Variants in HPSE2 observed in about 807,000 individuals in gnomAD.
HPSE2 encodes inactive heparanase-2.
HPSE2 carries 38 observed loss-of-function variants against 60.5 expected under a neutral mutation model. The ratio of observed to expected loss-of-function variants is 0.63; its 90% CI spans 0.48 to 0.82. The LOEUF (loss-of-function observed/expected upper bound fraction) is 0.82. Ranked by LOEUF, HPSE2 falls within the 40% of genes least tolerant of loss-of-function variation. The pLI is 0.00. For missense variants in HPSE2, 713 were observed against 740.4 expected (o/e 0.96, Z 0.43); for synonymous variants, 295 against 293.2 (o/e 1.01, Z -0.06).
At chr10:98,644,935 T>C (rs1946728836) in intron 6 of HPSE2, among the ~76,000 whole-genome samples, 1 of 152,164 alleles carries the variant, frequency 6.6e-6, no homozygotes, top group Admixed American at 6.5e-5. Context: ...CGGGAGGAGA[T>C]ACAGGCATGG....
chr10:98,488,519 G>A (rs1182573628), intron 10 of HPSE2, among the ~76,000 whole-genome samples: 2 of 152,200 alleles, frequency 1.3e-5, no homozygotes, highest in African/African-American at 4.8e-5. Flanking sequence ...GATCACGTGA[G>A]GAGGCTTCTA....
intron 2 of HPSE2, among the ~76,000 whole-genome samples, chr10:99,180,331 TGA>T (rs979547965): frequency 6.6e-6 from 1 of 152,060 alleles, no homozygotes; most frequent in African/African-American, 2.4e-5. Context: ...ACCTACAGCA[TGA>T]GAGAAAATTT....
At chr10:98,652,588 C>A (rs1946947662) in intron 6 of HPSE2, among the ~76,000 whole-genome samples, 1 of 152,240 alleles carries the variant, frequency 6.6e-6, no homozygotes, top group Non-Finnish European at 1.5e-5. Context: ...TCCAAATCCC[C>A]TGAGTTCTGT....
At chr10:98,500,296 T>A (rs1941988146) in intron 9 of HPSE2, among the ~76,000 whole-genome samples, 1 of 152,040 alleles carries the variant, frequency 6.6e-6, no homozygotes, top group African/African-American at 2.4e-5. Context: ...CTCAATAAAC[T>A]TAAGAAAACT....
intron 11 of HPSE2, among the ~76,000 whole-genome samples, chr10:98,475,610 G>A (rs1406748883): frequency 6.7e-6 from 1 of 149,590 alleles, no homozygotes; most frequent in Non-Finnish European, 1.5e-5. Flanking sequence ...TTAGGTGTGA[G>A]GGAGTTGAAG....
chr10:99,267,093 C>T, the HPSE2 span, among the ~76,000 whole-genome samples: 2 of 152,040 alleles, frequency 1.3e-5, no homozygotes, highest in Non-Finnish European at 2.9e-5. Context: ...AAACAAGGTT[C>T]TTTAACACCC....
chr10:99,199,562 A>AC (rs1478954291), intron 2 of HPSE2, among the ~76,000 whole-genome samples: 2 of 151,908 alleles, frequency 1.3e-5, no homozygotes, highest in Admixed American at 1.3e-4. Flanking sequence ...TATTTATGGC[A>AC]CCCTTGTCAA....
Position 98,941,547 on chromosome 10 carries a change from GA to G in HPSE2, c.611-197492del, listed in dbSNP as rs1217520500. Among the ~76,000 whole-genome samples the G allele has an allele frequency of 3.5e-5, 5 of 142,044 alleles. 1 individual carries two copies. The highest frequency in any genetic ancestry group is 1.5e-4 in the African/African-American group (5 of 34,286). The allele number at this position is 142,044 out of a possible 152,430, so 93.2% of individuals were successfully genotyped here. Reference sequence around the variant, plus strand: ...GGGTTGTGAAGGACCTCTTCAAGGAGAACTACAAACCACTGCTCAATGAAAT... The same window carrying G: ...GGGTTGTGAAGGACCTCTTCAAGGAGACTACAAACCACTGCTCAATGAAAT... On this transcript the variant is annotated intron_variant, in intron 3 of 11. Coordinates refer to ENST00000370552, the MANE Select transcript of HPSE2 (RefSeq NM_021828.5).
the HPSE2 span, among the ~76,000 whole-genome samples, chr10:99,258,721 T>C: frequency 6.6e-6 from 1 of 152,190 alleles, no homozygotes; most frequent in Non-Finnish European, 1.5e-5. Context: ...TGGACCCACA[T>C]ACATGGACAA....
At chr10:98,566,670 G>C (rs891360089) in intron 9 of HPSE2, among the ~76,000 whole-genome samples, 3 of 152,190 alleles carry the variant, frequency 2.0e-5, no homozygotes, top group Admixed American at 2.0e-4. Context: ...CATGTGCCCA[G>C]GGAAGGTGTG....
At chr10:98,922,569 T>A (rs1478454943) in intron 3 of HPSE2, among the ~76,000 whole-genome samples, 1 of 152,136 alleles carries the variant, frequency 6.6e-6, no homozygotes, top group Non-Finnish European at 1.5e-5. Context: ...ATGAAGAACA[T>A]GGCCCTGTAT....
chr10:99,180,531 T>C (rs1332153913), intron 2 of HPSE2, among the ~76,000 whole-genome samples: 3 of 152,038 alleles, frequency 2.0e-5, no homozygotes. Flanking sequence ...ATTAGAGAAA[T>C]GCAAATCAAA....
At chr10:98,933,369 C>A (rs1447957082) in intron 3 of HPSE2, among the ~76,000 whole-genome samples, 1 of 143,886 alleles carries the variant, frequency 6.9e-6, no homozygotes, top group African/African-American at 2.8e-5. Flanking sequence ...GTTTTACTTC[C>A]AATTATGTGA....
intron 3 of HPSE2, among the ~76,000 whole-genome samples, chr10:99,071,397 T>C (rs933609205): frequency 3.9e-5 from 6 of 152,130 alleles, no homozygotes; most frequent in Non-Finnish European, 8.8e-5. Flanking sequence ...GGAAATGTCA[T>C]ATCTTTCATA....
chr10:99,042,967 G>A (rs1304686018), intron 3 of HPSE2, among the ~76,000 whole-genome samples: 3 of 152,176 alleles, frequency 2.0e-5, no homozygotes, highest in Non-Finnish European at 4.4e-5. Flanking sequence ...ACATCCCTGT[G>A]AAACTAAGGA....
At chr10:99,043,398 G>A (rs1957786566) in intron 3 of HPSE2, among the ~76,000 whole-genome samples, 1 of 152,094 alleles carries the variant, frequency 6.6e-6, no homozygotes, top group Non-Finnish European at 1.5e-5. Context: ...GCAGGAGAAT[G>A]GCATGAATCT....
intron 3 of HPSE2, among the ~76,000 whole-genome samples, chr10:98,958,175 C>A (rs1230651986): frequency 1.3e-5 from 2 of 152,110 alleles, no homozygotes; most frequent in Admixed American, 6.6e-5. Flanking sequence ...TTTTCTTTGT[C>A]TATGTCACTC....
chr10:99,200,784 T>A (rs1215587459), intron 2 of HPSE2, among the ~76,000 whole-genome samples: 1 of 152,172 alleles, frequency 6.6e-6, no homozygotes, highest in Non-Finnish European at 1.5e-5. Context: ...TAGCAGCACA[T>A]TATTAGCTAC....
chr10:98,751,500 C>T (rs1403435728), intron 3 of HPSE2, among the ~76,000 whole-genome samples: 2 of 152,206 alleles, frequency 1.3e-5, no homozygotes, highest in African/African-American at 4.8e-5. Context: ...GCAACCTTCA[C>T]ATGAAGAAAG....
Sources: allele counts gnomAD v4.1 joint callset (sites outside exome capture counted in the v4.1 genomes callset), GRCh38; gene constraint gnomAD v4.1.1; transcripts MANE v1.5; gene names NCBI Gene and HGNC (gene_info 2026-07-23, HGNC 2026-07-21).